Variants in GDPD4 observed in about 807,000 individuals in gnomAD.
GDPD4 encodes glycerophosphodiester phosphodiesterase domain containing 4, also known as glycerophosphodiester phosphodiesterase 6.
In GDPD4, 60 loss-of-function variants were observed where a neutral mutation model predicts 67.8. That is an observed-to-expected ratio of 0.88 (90% CI 0.72 to 1.10). The LOEUF (loss-of-function observed/expected upper bound fraction) is 1.10, where lower values mean the gene tolerates loss of function less well. Ranked by LOEUF, GDPD4 falls within the 50% of genes least tolerant of loss-of-function variation. The pLI is 0.00. For synonymous variants in GDPD4, 212 were observed against 210.9 expected (o/e 1.00, Z -0.04); for missense variants, 623 against 613.9 (o/e 1.01, Z -0.16).
At chr11:77,296,503 G>T (rs193008114) in intron 1 of GDPD4, among the ~76,000 whole-genome samples, 11 of 150,340 alleles carry the variant, frequency 7.3e-5, no homozygotes, top group African/African-American at 2.4e-4. Flanking sequence ...TGTATTTTTA[G>T]TAGAAACAGG....
At position 77,271,301 on chromosome 11, in the gene GDPD4, T is replaced by C. The variant is rs1036420338; in HGVS notation, c.300A>G (p.Ser100=). The C allele has an allele frequency of 1.9e-6, 3 of 1,612,784 alleles. No homozygotes were observed. In the African/African-American group the frequency reaches 4.0e-5, roughly 22 times the overall value. The change falls in exon 6 of 17, where the codon TCA becomes TCG. Residue 100 remains serine (S), a synonymous_variant. Coordinates refer to ENST00000315938, the MANE Select transcript of GDPD4 (RefSeq NM_182833.3). ...WKERWLVAGL[S]MQIFAPYVHL... ...GCTATAGGATGATGCTTACCTGCAT[T>C]GACAGCCCAGCTACCAGCCACCTTT... is the stretch of plus-strand genomic sequence containing the variant.
In GDPD4 at chr11:77,260,333, G is replaced by A. The variant is rs143034459; in HGVS notation, c.708-1791C>T. On this transcript the variant is annotated intron_variant, in intron 10 of 16. Transcript: ENST00000315938. Reference sequence around the variant, plus strand: ...GAAAAAAAAATGGTCGGGGGAGGGGGGGGAATAATTTAGAACTACAATGGC... The same window carrying A: ...GAAAAAAAAATGGTCGGGGGAGGGGAGGGAATAATTTAGAACTACAATGGC... 2.7e-4 allele frequency among the ~76,000 whole-genome samples: 41 copies of A among 150,204 alleles called. 1 individual carries two copies. Among genetic ancestry groups the A allele is most frequent in the African/African-American group, 9.4e-4 (38 of 40,268 alleles).
intron 16 of GDPD4, among the ~76,000 whole-genome samples, chr11:77,226,615 T>C (rs11237137): frequency 0.25 from 38,615 of 152,186 alleles, 6,013 homozygotes; most frequent in South Asian, 0.44. Context: ...CCACCCAGTC[T>C]ATGGTATTTT....
chr11:77,280,930 G>A (rs569616697), intron 3 of GDPD4, among the ~76,000 whole-genome samples: 2 of 152,326 alleles, frequency 1.3e-5, no homozygotes, highest in South Asian at 2.1e-4. Context: ...TTTCTTGGCC[G>A]TCACTTCTTT....
chr11:77,241,365 G>A (rs1958660374), intron 13 of GDPD4, among the ~76,000 whole-genome samples: 1 of 152,058 alleles, frequency 6.6e-6, no homozygotes, highest in South Asian at 2.1e-4. Context: ...CCTTACGTGT[G>A]GACTCTAAAA....
intron 1 of GDPD4, among the ~76,000 whole-genome samples, chr11:77,293,403 G>A (rs2135895735): frequency 6.6e-6 from 1 of 151,968 alleles, no homozygotes; most frequent in East Asian, 1.9e-4. Context: ...AGACCAGCAT[G>A]GGCAACATGG....
chr11:77,272,247 T>C (rs1467461419), intron 5 of GDPD4, among the ~76,000 whole-genome samples: 1 of 152,200 alleles, frequency 6.6e-6, no homozygotes, highest in African/African-American at 2.4e-5. Flanking sequence ...GAATACTTTA[T>C]AACATCTTAA....
intron 16 of GDPD4, among the ~76,000 whole-genome samples, chr11:77,225,625 CAG>C (rs544108983): frequency 1.9e-3 from 292 of 152,180 alleles, no homozygotes; most frequent in African/African-American, 6.8e-3. Flanking sequence ...AACAGAAGAA[CAG>C]GGGTAAGAAA....
At chr11:77,254,826 TAATA>T (rs892094235) in intron 11 of GDPD4, among the ~76,000 whole-genome samples, 3 of 152,142 alleles carry the variant, frequency 2.0e-5, no homozygotes, top group African/African-American at 4.8e-5. Context: ...ATAAATACAT[TAATA>T]AATAATGACC....
chr11:77,250,893 A>G (rs1958880645), intron 11 of GDPD4, among the ~76,000 whole-genome samples: 1 of 152,152 alleles, frequency 6.6e-6, no homozygotes, highest in Non-Finnish European at 1.5e-5. Flanking sequence ...TGATCACTTT[A>G]TTATTTCATA....
intron 14 of GDPD4, among the ~76,000 whole-genome samples, chr11:77,230,509 G>T (rs949077294): frequency 3.3e-5 from 5 of 152,194 alleles, no homozygotes; most frequent in Non-Finnish European, 7.3e-5. Flanking sequence ...GATCTAGGTA[G>T]ATTGCTCATT....
At chr11:77,273,161 G>A (rs910151080) in intron 5 of GDPD4, among the ~76,000 whole-genome samples, 3 of 152,166 alleles carry the variant, frequency 2.0e-5, no homozygotes, top group African/African-American at 7.2e-5. Context: ...ATGTTTACAA[G>A]GAGTTTGGGT....
At chr11:77,282,011 G>C (rs1959776288) in intron 3 of GDPD4, among the ~76,000 whole-genome samples, 1 of 152,078 alleles carries the variant, frequency 6.6e-6, no homozygotes, top group African/African-American at 2.4e-5. Context: ...AAATCTAAAA[G>C]AATATTAACT....
rs1247909583 is a variant in GDPD4, at chr11:77,252,073, T to G, written c.864+6313A>C. ...TTGTTTGTTTTTTTTTTGTTTTTTT[T>G]TTTTTTTTGAGACAGAGTCTTGCTT... On this transcript the variant is annotated intron_variant, in intron 11 of 16. Coordinates refer to ENST00000315938, the MANE Select transcript of GDPD4 (RefSeq NM_182833.3). Among the ~76,000 whole-genome samples, 4 of 148,614 alleles carry G rather than the reference T, an allele frequency of 2.7e-5. No homozygotes were observed. In the East Asian group the frequency reaches 5.8e-4, roughly 22 times the overall value.
Position 77,285,157 on chromosome 11 carries a change from A to G in GDPD4, c.-20T>C. The G allele has an allele frequency of 2.5e-6, 4 of 1,597,840 alleles. No homozygotes were observed. The highest frequency in any genetic ancestry group is 3.4e-6 in the Non-Finnish European group (4 of 1,166,220). The stretch of plus-strand genomic sequence containing the variant: ...CAACATCAGAGACAAGACAAATGAA[A>G]TTACCAGGCACGGCAAAATAATTGC... On this transcript the variant is annotated 5_prime_UTR_variant, in exon 3 of 17. Transcript: ENST00000315938.
At chr11:77,235,969 A>AC (rs1161032397) in intron 13 of GDPD4, among the ~76,000 whole-genome samples, 2 of 151,370 alleles carry the variant, frequency 1.3e-5, no homozygotes, top group African/African-American at 2.4e-5. Flanking sequence ...TAAAAACAAA[A>AC]AAAAAACAAA....
At chr11:77,267,377 T>C (rs1175919459) in intron 10 of GDPD4, among the ~76,000 whole-genome samples, 1 of 152,232 alleles carries the variant, frequency 6.6e-6, no homozygotes, top group Non-Finnish European at 1.5e-5. Flanking sequence ...ATTTAGTTTT[T>C]TAAGTAACTG....
chr11:77,222,851 G>A (rs1002016522), intron 16 of GDPD4, among the ~76,000 whole-genome samples: 24 of 152,276 alleles, frequency 1.6e-4, no homozygotes, highest in Middle Eastern at 3.4e-3. Flanking sequence ...CATTCTCCCC[G>A]TCACTTTCAG....
chr11:77,217,417 ACCCTTTCAGGTTCTTT>A (rs1958145926), intron 16 of GDPD4, 103 bp from the exon 17 acceptor site: 7 of 956,594 alleles, frequency 7.3e-6, no homozygotes, highest in Admixed American at 1.7e-5. Context: ...CCACTCCCTT[ACCCTTTCAGGTTCTTT>A]CCTCCAAGCT....
Sources: gnomAD v4.1 joint callset for allele counts (sites outside exome capture counted in the v4.1 genomes callset) on GRCh38, gnomAD v4.1.1 for gene constraint, MANE v1.5 for transcripts, NCBI Gene and HGNC (gene_info 2026-07-23, HGNC 2026-07-21) for gene names.